CRPPA: variants seen among roughly 807,000 people sequenced by gnomAD.
The protein encoded by CRPPA is CDP-L-ribitol pyrophosphorylase A, also known as D-ribitol-5-phosphate cytidylyltransferase.
In CRPPA, 43 loss-of-function variants were observed where a neutral mutation model predicts 52.0. The ratio of observed to expected loss-of-function variants is 0.83; its 90% confidence interval spans 0.65 to 1.07. The LOEUF (loss-of-function observed/expected upper bound fraction) is 1.07, where lower values mean the gene tolerates loss of function less well. Among genes scored for constraint, CRPPA ranks in the 50% least tolerant of loss-of-function variants. The pLI is 0.00. For synonymous variants in CRPPA, 250 were observed against 203.5 expected (o/e 1.23, Z -1.94); for missense variants, 629 against 551.7 (o/e 1.14, Z -1.40).
chr7:16,388,511 C>T (rs1787353891), intron 2 of CRPPA, among the ~76,000 whole-genome samples: 2 of 151,924 alleles, frequency 1.3e-5, no homozygotes, highest in East Asian at 3.9e-4. Flanking sequence ...TTAAAACAGA[C>T]AAAGAGTAAA....
At chr7:16,325,580 A>G (rs982096646) in intron 3 of CRPPA, among the ~76,000 whole-genome samples, 7 of 152,206 alleles carry the variant, frequency 4.6e-5, no homozygotes, top group Admixed American at 6.5e-5. Context: ...TATAACTTTG[A>G]CAGCATCACT....
chr7:16,273,912 A>G (rs1784148237), intron 6 of CRPPA, among the ~76,000 whole-genome samples: 1 of 152,142 alleles, frequency 6.6e-6, no homozygotes. Flanking sequence ...TCCCTGTCCC[A>G]TGAGAGGTGG....
At chr7:16,337,687 A>G (rs1479412894) in intron 3 of CRPPA, among the ~76,000 whole-genome samples, 1 of 152,200 alleles carries the variant, frequency 6.6e-6, no homozygotes, top group African/African-American at 2.4e-5. Context: ...ACAACGGGAC[A>G]TTATAACTGA....
At chr7:16,383,225 C>T (rs2128313449) in intron 2 of CRPPA, among the ~76,000 whole-genome samples, 1 of 152,310 alleles carries the variant, frequency 6.6e-6, no homozygotes, top group Admixed American at 6.5e-5. Flanking sequence ...GGACCCTCAG[C>T]TGCAGGTCTG....
At chr7:16,343,293 T>C (rs1291368962) in intron 3 of CRPPA, among the ~76,000 whole-genome samples, 7 of 152,126 alleles carry the variant, frequency 4.6e-5, no homozygotes, top group Admixed American at 2.6e-4. Flanking sequence ...CTGGTAATAG[T>C]TGAAGTTGTA....
At chr7:16,248,404 GA>G (rs1367176650) in intron 8 of CRPPA, among the ~76,000 whole-genome samples, 1 of 152,098 alleles carries the variant, frequency 6.6e-6, no homozygotes, top group East Asian at 1.9e-4. Flanking sequence ...GACAGAGAGA[GA>G]AACATAAAAG....
intron 8 of CRPPA, among the ~76,000 whole-genome samples, chr7:16,241,970 T>TTTTTTTTTTTTTTTG (rs1241010922): frequency 9.5e-6 from 1 of 104,896 alleles, no homozygotes; most frequent in Non-Finnish European, 1.9e-5. Context: ...TTTTTTTTTG[T>TTTTTTTTTTTTTTTG]TGGGGGGAGA....
At chr7:16,276,048 T>A (rs1784197708) in intron 6 of CRPPA, among the ~76,000 whole-genome samples, 1 of 151,124 alleles carries the variant, frequency 6.6e-6, no homozygotes, top group African/African-American at 2.4e-5. Flanking sequence ...GGCGAGAAAA[T>A]TTAAAAAATA....
intron 6 of CRPPA, among the ~76,000 whole-genome samples, chr7:16,263,490 G>A (rs1343245408): frequency 1.3e-5 from 2 of 152,156 alleles, no homozygotes; most frequent in African/African-American, 2.4e-5. Context: ...AGTGGCTCAC[G>A]CCTGTCATCC....
intron 2 of CRPPA, among the ~76,000 whole-genome samples, chr7:16,378,382 T>A (rs968826697): frequency 3.3e-5 from 5 of 150,770 alleles, no homozygotes; most frequent in Admixed American, 6.6e-5. Context: ...GTACTTGCGA[T>A]AGTTTACTGA....
At chr7:16,243,348 C>G (rs908157452) in intron 8 of CRPPA, among the ~76,000 whole-genome samples, 1 of 152,122 alleles carries the variant, frequency 6.6e-6, no homozygotes. Flanking sequence ...AGAGTAGTAT[C>G]TTTATAGCAG....
At chr7:16,378,378 G>A (rs542484336) in intron 2 of CRPPA, among the ~76,000 whole-genome samples, 411 of 149,398 alleles carry the variant, frequency 2.8e-3, no homozygotes, top group Non-Finnish European at 4.5e-3. Context: ...TTTTGTACTT[G>A]CGATAGTTTA....
At chr7:16,406,413 T>A in intron 1 of CRPPA, 76 bp from the exon 2 acceptor site, 1 of 1,256,162 alleles carries the variant, frequency 8.0e-7, no homozygotes, top group Non-Finnish European at 1.1e-6. Context: ...ATTGAATCAC[T>A]AGTATTGGTA....
At chr7:16,342,599 C>G (rs1336677768) in intron 3 of CRPPA, among the ~76,000 whole-genome samples, 1 of 150,742 alleles carries the variant, frequency 6.6e-6, no homozygotes, top group Non-Finnish European at 1.5e-5. Context: ...TAATCCTCAT[C>G]TCAGGAATAA....
chr7:16,138,377 T>C (rs1782801048), intron 9 of CRPPA, among the ~76,000 whole-genome samples: 1 of 152,160 alleles, frequency 6.6e-6, no homozygotes, highest in African/African-American at 2.4e-5. Flanking sequence ...TATCTTTTAG[T>C]ATGGCCTGTG....
intron 3 of CRPPA, among the ~76,000 whole-genome samples, chr7:16,372,871 C>T (rs765685247): frequency 6.6e-6 from 1 of 152,080 alleles, no homozygotes; most frequent in African/African-American, 2.4e-5. Context: ...AAATGGAAAC[C>T]AAAAGTGGGC....
intron 9 of CRPPA, among the ~76,000 whole-genome samples, chr7:16,182,420 C>T (rs181814649): frequency 1.1e-4 from 17 of 152,046 alleles, no homozygotes; most frequent in Non-Finnish European, 2.1e-4. Context: ...AGATTGTCAC[C>T]GTAGTTTGTA....
intron 5 of CRPPA, among the ~76,000 whole-genome samples, chr7:16,284,922 A>G (rs1285128083): frequency 6.6e-6 from 1 of 152,202 alleles, no homozygotes; most frequent in Non-Finnish European, 1.5e-5. Flanking sequence ...CAGGGCTCCA[A>G]TAAATTAATT....
chr7:16,110,403 T>G (rs544658600), intron 9 of CRPPA, among the ~76,000 whole-genome samples: 8 of 152,052 alleles, frequency 5.3e-5, no homozygotes, highest in Non-Finnish European at 1.2e-4. Flanking sequence ...ATGTCATTTT[T>G]CATACAAATA....
Sources: gnomAD v4.1 joint callset for allele counts (sites outside exome capture counted in the v4.1 genomes callset) on GRCh38, gnomAD v4.1.1 for gene constraint, MANE v1.5 for transcripts, NCBI Gene and HGNC (gene_info 2026-07-23, HGNC 2026-07-21) for gene names.